FN3KRP: variants seen among roughly 807,000 people sequenced by gnomAD.
FN3KRP encodes fructosamine 3 kinase related protein, also known as ketosamine-3-kinase.
Under a neutral mutation model 29.8 loss-of-function variants are expected in FN3KRP, and 33 were observed. The observed-to-expected ratio is 1.11, with a 90% confidence interval of 0.84 to 1.48. The LOEUF (loss-of-function observed/expected upper bound fraction) is 1.48. Among genes scored for constraint, FN3KRP ranks in the 40% most tolerant of loss-of-function variants. The pLI, the probability that FN3KRP is intolerant of heterozygous loss-of-function variation, is 0.00. For missense variants in FN3KRP, 430 were observed against 402.6 expected (o/e 1.07, Z -0.58); for synonymous variants, 157 against 155.2 (o/e 1.01, Z -0.09).
At position 82,726,464 on chromosome 17, in the gene FN3KRP, T is replaced by C; in HGVS notation, c.469-16T>C. ...GGCATTTTCCAGTGAACTGTGCTTT[T>C]GCTGTTACTGTGCAGGTGAATGACT... On this transcript the variant is annotated splice_polypyrimidine_tract_variant and intron_variant, in intron 4 of 5. Transcript: ENST00000269373. 1 of 1,610,994 alleles carries C rather than the reference T, an allele frequency of 6.2e-7. No individual in the cohort carries two copies. Among genetic ancestry groups the C allele is most frequent in the Middle Eastern group, 1.7e-4 (1 of 6,048 alleles).
At position 82,727,063 on chromosome 17, in the gene FN3KRP, G is replaced by A; in HGVS notation, c.822G>A (p.Glu274=). Reference sequence around the variant, plus strand: ...AAATCCCCAAGGCCCCAGGATTCGAGAAGCGCCTTCAGTTGTATCAGCTCT... The same window carrying A: ...AAATCCCCAAGGCCCCAGGATTCGAAAAGCGCCTTCAGTTGTATCAGCTCT... The part of the protein sequence containing the change: ...HGKIPKAPGF[E]KRLQLYQLFH... Residue 274 remains glutamate (E), a synonymous_variant, in exon 6 of 6, where the codon GAG becomes GAA. Transcript: ENST00000269373. The A allele has an allele frequency of 6.2e-7, 1 of 1,614,156 alleles. No individual in the cohort carries two copies. Among genetic ancestry groups the A allele is most frequent in the Non-Finnish European group, 8.5e-7 (1 of 1,180,042 alleles).
intron 3 of FN3KRP, 68 bp downstream of exon 3, chr17:82,720,431 G>T: frequency 7.6e-7 from 1 of 1,322,076 alleles, no homozygotes; most frequent in African/African-American, 1.5e-5. Flanking sequence ...TGGGCTCAGA[G>T]CGGGGGCCGT....
intron 4 of FN3KRP, among the ~76,000 whole-genome samples, 181 bp downstream of exon 4, chr17:82,723,067 T>C (rs1358087565): frequency 6.6e-6 from 1 of 152,156 alleles, no homozygotes. Flanking sequence ...TAGGTAAGCA[T>C]GAAGAAACTG....
rs775362232 is a variant in FN3KRP, at chr17:82,726,985, A to G, written c.744A>G (p.Ile248Met). The change falls in exon 6 of 6, where the codon ATA (isoleucine) becomes ATG (methionine). Residue 248 changes from isoleucine (I) to methionine (M), a missense_variant. Ile to Met is a conservative substitution (Grantham distance 10). Coordinates refer to ENST00000269373, the MANE Select transcript of FN3KRP (RefSeq NM_024619.4). Reference protein sequence around the residue: ...FYGHSEYELAIAGMFGGFSSS... With the variant: ...FYGHSEYELAMAGMFGGFSSS... ...GCCACTCGGAATATGAGCTGGCAAT[A>G]GCTGGCATGTTTGGGGGCTTTAGCA... 2.0e-5 allele frequency: 33 copies of G among 1,614,136 alleles called. No individual in the cohort carries two copies. Among genetic ancestry groups the G allele is most frequent in the Non-Finnish European group, 1.5e-5 (18 of 1,180,014 alleles).
chr17:82,717,542 A>AC (rs11426847), intron 1 of FN3KRP, among the ~76,000 whole-genome samples: 32,192 of 152,072 alleles, frequency 0.21, 3,487 homozygotes, highest in Admixed American at 0.25. Context: ...ACAAGGTGAA[A>AC]CCCCCGTCTC....
intron 4 of FN3KRP, among the ~76,000 whole-genome samples, chr17:82,723,264 C>CATGTGCAGTGGACAGG (rs1195679587): frequency 6.6e-5 from 10 of 152,196 alleles, no homozygotes; most frequent in Non-Finnish European, 1.3e-4. Flanking sequence ...ACGCCCAGCA[C>CATGTGCAGTGGACAGG]ATGTGCAGTG....
In FN3KRP at chr17:82,722,801, A is replaced by G; in HGVS notation, c.386-3A>G. On this transcript the variant is annotated splice_polypyrimidine_tract_variant and splice_region_variant and intron_variant, in intron 3 of 5. Transcript: ENST00000269373. ...TTTCCTTTCTTTTACTTTTGCTTGCAAGGGAGAGGAGGTGGGCAGGAGGAA... is the reference window on the plus strand; with the variant it reads ...TTTCCTTTCTTTTACTTTTGCTTGCGAGGGAGAGGAGGTGGGCAGGAGGAA... 6.2e-7 allele frequency: 1 copy of G among 1,613,530 alleles called. No individual in the cohort carries two copies. Among genetic ancestry groups the G allele is most frequent in the Non-Finnish European group, 8.5e-7 (1 of 1,179,870 alleles).
intron 4 of FN3KRP, among the ~76,000 whole-genome samples, chr17:82,724,816 AT>A (rs1048853355): frequency 2.7e-5 from 4 of 149,774 alleles, no homozygotes; most frequent in Admixed American, 6.7e-5. Flanking sequence ...CAAAAAAAAA[AT>A]TTTTTTTTTG....
intron 1 of FN3KRP, among the ~76,000 whole-genome samples, chr17:82,717,305 A>G (rs1271656302): frequency 2.6e-5 from 4 of 151,660 alleles, no homozygotes; most frequent in African/African-American, 9.7e-5. Context: ...AGCTTAAGTG[A>G]CTCTGGAGGT....
Position 82,726,641 on chromosome 17 carries a change from C to T in FN3KRP, c.591+39C>T, listed in dbSNP as rs775186857. On this transcript the variant is annotated intron_variant, in intron 5 of 5. Coordinates refer to ENST00000269373, the MANE Select transcript of FN3KRP (RefSeq NM_024619.4). ...CACTGCATGCCCAGCACCTGCCACA[C>T]ACCCCACTTGCCTGAGGTAGGGGAG... 36 of 1,589,336 alleles carry T rather than the reference C, an allele frequency of 2.3e-5. No homozygotes were observed. The East Asian group carries it at 7.6e-4, about 34-fold the overall frequency.
Position 82,726,953 on chromosome 17 carries a change from T to C in FN3KRP, c.712T>C (p.Phe238Leu). 11 of 1,613,870 alleles carry C rather than the reference T, an allele frequency of 6.8e-6. No individual in the cohort carries two copies. Among genetic ancestry groups the C allele is most frequent in the Non-Finnish European group, 9.3e-6 (11 of 1,179,892 alleles). ...GCCGGTGATTTTTGACCCAGCTTCTTTCTACGGCCACTCGGAATATGAGCT... is the reference window on the plus strand; with the variant it reads ...GCCGGTGATTTTTGACCCAGCTTCTCTCTACGGCCACTCGGAATATGAGCT... The part of the protein sequence containing the change: ...SGPVIFDPAS[F>L]YGHSEYELAI... The change falls in exon 6 of 6, where the codon TTC (phenylalanine) becomes CTC (leucine). Residue 238 changes from phenylalanine (F) to leucine (L), a missense_variant. By Grantham distance (22) the Phe-to-Leu change is conservative (BLOSUM62 0). Coordinates refer to ENST00000269373, the MANE Select transcript of FN3KRP (RefSeq NM_024619.4).
At chr17:82,720,483 C>A in intron 3 of FN3KRP, 120 bp downstream of exon 3, 1 of 684,926 alleles carries the variant, frequency 1.5e-6, no homozygotes, top group Non-Finnish European at 2.4e-6. Context: ...GATGGCAGAG[C>A]AAGGGAATGT....
intron 1 of FN3KRP, among the ~76,000 whole-genome samples, chr17:82,717,860 CTA>C (rs948999185): frequency 3.0e-4 from 45 of 151,916 alleles, no homozygotes; most frequent in African/African-American, 9.9e-4. Flanking sequence ...GTGTGTGTGT[CTA>C]TGTGTATGTT....
Position 82,718,934 on chromosome 17 carries a change from C to G in FN3KRP, c.170C>G (p.Ala57Gly), listed in dbSNP as rs3748811. 1.2e-6 allele frequency: 2 copies of G among 1,614,046 alleles called. No homozygotes were observed. Among genetic ancestry groups the G allele is most frequent in the East Asian group, 2.2e-5 (1 of 44,884 alleles). The change falls in exon 2 of 6, where the codon GCA becomes GGA. Residue 57 changes from alanine (A) to glycine (G), a missense_variant. By Grantham distance (60) the Ala-to-Gly change is moderately conservative. Coordinates refer to ENST00000269373, the MANE Select transcript of FN3KRP (RefSeq NM_024619.4). ...AGAAGAATGTTTGAAGGTGAGATGG[C>G]AAGTTTAACTGCCATCCTGAAAACA... is the stretch of plus-strand genomic sequence containing the variant. ...EARRMFEGEM[A>G]SLTAILKTNT...
chr17:82,719,513 G>C (rs1331595497), intron 2 of FN3KRP, among the ~76,000 whole-genome samples: 4 of 152,222 alleles, frequency 2.6e-5, no homozygotes, highest in Non-Finnish European at 5.9e-5. Context: ...CCAACACTTC[G>C]GGAGGCTGAG....
At chr17:82,717,158 G>A (rs555762634) in intron 1 of FN3KRP, among the ~76,000 whole-genome samples, 6 of 152,304 alleles carry the variant, frequency 3.9e-5, no homozygotes, top group Non-Finnish European at 7.4e-5. Flanking sequence ...CACACCTCCT[G>A]TTCTCCGTGA....
intron 1 of FN3KRP, 54 bp from the exon 2 acceptor site, chr17:82,718,852 C>T (rs938851628): frequency 1.4e-5 from 23 of 1,587,472 alleles, no homozygotes; most frequent in Middle Eastern, 1.7e-4. Flanking sequence ...CAGAACCTTC[C>T]GGAAGTAACC....
chr17:82,727,025 G>A lies in FN3KRP; in HGVS notation c.784G>A (p.Ala262Thr), dbSNP rs750927949. 22 of 1,613,940 alleles carry A rather than the reference G, an allele frequency of 1.4e-5. No homozygotes were observed. Among genetic ancestry groups the A allele is most frequent in the South Asian group, 2.2e-5 (2 of 91,082 alleles). Reference protein sequence around the residue: ...FGGFSSSFYSAYHGKIPKAPG... With the variant: ...FGGFSSSFYSTYHGKIPKAPG... The stretch of plus-strand genomic sequence containing the variant: ...GGGCTTTAGCAGCTCCTTTTACTCC[G>A]CCTACCACGGCAAAATCCCCAAGGC... Residue 262 changes from alanine to threonine, a missense_variant, in exon 6 of 6, where the codon GCC becomes ACC. Transcript: ENST00000269373.
chr17:82,717,974 T>C (rs2046770382), intron 1 of FN3KRP, among the ~76,000 whole-genome samples: 1 of 151,598 alleles, frequency 6.6e-6, no homozygotes, highest in African/African-American at 2.4e-5. Context: ...CAGGTGAGGA[T>C]GGGAGAGTGG....
Sources: gnomAD v4.1 joint callset for allele counts (sites outside exome capture counted in the v4.1 genomes callset) on GRCh38, gnomAD v4.1.1 for gene constraint, MANE v1.5 for transcripts, NCBI Gene and HGNC (gene_info 2026-07-23, HGNC 2026-07-21) for gene names.